RABGAP1L: variants seen among roughly 807,000 people sequenced by gnomAD.
The protein encoded by RABGAP1L is RAB GTPase activating protein 1 like, also known as rab GTPase-activating protein 1-like.
In RABGAP1L, 63 loss-of-function variants were observed where a neutral mutation model predicts 137.7. The ratio of observed to expected loss-of-function variants is 0.46; its 90% CI spans 0.37 to 0.56. RABGAP1L has a LOEUF of 0.56. Ranked by LOEUF, RABGAP1L falls within the 20% of genes least tolerant of loss-of-function variation. The pLI is 0.00. For synonymous variants in RABGAP1L, 431 were observed against 433.7 expected (o/e 0.99, Z 0.08); for missense variants, 1,095 against 1,244.0 (o/e 0.88, Z 1.80).
At chr1:174,720,931 A>C (rs572504464) in intron 17 of RABGAP1L, among the ~76,000 whole-genome samples, 1 of 152,354 alleles carries the variant, frequency 6.6e-6, no homozygotes, top group South Asian at 2.1e-4. Context: ...TTACATCTCA[A>C]TGTAACAAAA....
Position 174,761,698 on chromosome 1 carries a change from C to T in RABGAP1L, c.2211+9344C>T, listed in dbSNP as rs994659431. On this transcript the variant is annotated intron_variant, in intron 18 of 25. Transcript: ENST00000681986. This position sits in a 1 kb window ranked among gnomAD's most constrained non-coding sequence, Gnocchi z 4.0. ...TCACTTCCCAGACGGTGGAAACTCCCGTTTTTAAAACATCAGATCTCATGA... is the reference window on the plus strand; with the variant it reads ...TCACTTCCCAGACGGTGGAAACTCCTGTTTTTAAAACATCAGATCTCATGA... 6.6e-6 allele frequency among the ~76,000 whole-genome samples: 1 copy of T among 152,104 alleles called. No individual in the cohort carries two copies. Among genetic ancestry groups the T allele is most frequent in the African/African-American group, 2.4e-5 (1 of 41,430 alleles).
chr1:174,652,159 C>T (rs771511933), intron 14 of RABGAP1L, among the ~76,000 whole-genome samples: 17 of 152,104 alleles, frequency 1.1e-4, no homozygotes, highest in South Asian at 4.1e-4. Context: ...TGTTGAATAT[C>T]GGCCCCCACT....
chr1:174,908,328 C>T (rs75758932), intron 19 of RABGAP1L, among the ~76,000 whole-genome samples: 1 of 152,056 alleles, frequency 6.6e-6, no homozygotes, highest in Admixed American at 6.6e-5. Flanking sequence ...TACATTTCAC[C>T]CAACTGCTGC....
At chr1:174,551,765 A>AG (rs1666563069) in intron 13 of RABGAP1L, among the ~76,000 whole-genome samples, 1 of 152,036 alleles carries the variant, frequency 6.6e-6, no homozygotes, top group African/African-American at 2.4e-5. Flanking sequence ...TGGAAAAAAA[A>AG]ATTAATAAAA....
intron 13 of RABGAP1L, among the ~76,000 whole-genome samples, chr1:174,539,639 T>G (rs958316619): frequency 6.6e-6 from 1 of 152,264 alleles, no homozygotes; most frequent in African/African-American, 2.4e-5. Flanking sequence ...TTTTTATGGC[T>G]GCATACTATT....
intron 10 of RABGAP1L, among the ~76,000 whole-genome samples, chr1:174,304,623 C>G (rs1264785077): frequency 6.6e-6 from 1 of 152,044 alleles, no homozygotes; most frequent in Non-Finnish European, 1.5e-5. Context: ...TGTAAAAATT[C>G]TTTGAGCTAT....
At chr1:174,296,662 C>T (rs577785688) in intron 10 of RABGAP1L, among the ~76,000 whole-genome samples, 1 of 152,116 alleles carries the variant, frequency 6.6e-6, no homozygotes, top group South Asian at 2.1e-4. Flanking sequence ...GGAAAGTTCC[C>T]TTGCTTTCAG....
chr1:174,611,270 A>G (rs1262845469), intron 13 of RABGAP1L, among the ~76,000 whole-genome samples: 10 of 150,790 alleles, frequency 6.6e-5, no homozygotes, highest in Admixed American at 5.3e-4. Context: ...AGCTTTCTAC[A>G]CATGGCTAGC....
At chr1:174,394,170 AT>A (rs1326901885) in intron 13 of RABGAP1L, 25 bp downstream of exon 13, 7 of 1,603,534 alleles carry the variant, frequency 4.4e-6, no homozygotes, top group Non-Finnish European at 5.1e-6. Flanking sequence ...TTTTCATATT[AT>A]TTTCATTGGA....
chr1:174,195,741 TTCTTTCTTTCTC>T (rs1558021819), intron 1 of RABGAP1L, among the ~76,000 whole-genome samples: 5 of 143,170 alleles, frequency 3.5e-5, no homozygotes, highest in African/African-American at 1.3e-4. Flanking sequence ...TTTTCTTTCT[TTCTTTCTTTCTC>T]TCTTTCTCTC....
At chr1:174,634,265 CA>C (rs1293053885) in intron 13 of RABGAP1L, among the ~76,000 whole-genome samples, 10 of 124,874 alleles carry the variant, frequency 8.0e-5, no homozygotes, top group Non-Finnish European at 1.6e-4. Context: ...TTTATGCAGC[CA>C]AAAAACACAT....
At chr1:174,815,158 A>G (rs1690263476) in intron 19 of RABGAP1L, among the ~76,000 whole-genome samples, 1 of 152,210 alleles carries the variant, frequency 6.6e-6, no homozygotes, top group African/African-American at 2.4e-5. Flanking sequence ...CCCCACTCTG[A>G]TCTGCCACAA....
At chr1:174,847,367 G>T (rs536944218) in intron 19 of RABGAP1L, among the ~76,000 whole-genome samples, 1 of 151,302 alleles carries the variant, frequency 6.6e-6, no homozygotes, top group Non-Finnish European at 1.5e-5. Context: ...GGCTGGTACC[G>T]GTTGTTCCTT....
intron 13 of RABGAP1L, among the ~76,000 whole-genome samples, chr1:174,411,365 G>T (rs1208781212): frequency 6.6e-6 from 1 of 152,008 alleles, no homozygotes; most frequent in Non-Finnish European, 1.5e-5. Flanking sequence ...GTTTGCTGTG[G>T]GTTTGTCATG....
intron 17 of RABGAP1L, among the ~76,000 whole-genome samples, chr1:174,716,587 C>T (rs1681031520): frequency 6.6e-6 from 1 of 152,134 alleles, no homozygotes; most frequent in Admixed American, 6.5e-5. Flanking sequence ...ATAATAGGAC[C>T]TTCTGGTCTC....
intron 14 of RABGAP1L, among the ~76,000 whole-genome samples, chr1:174,660,449 T>C (rs554789928): frequency 6.6e-6 from 1 of 152,332 alleles, no homozygotes; most frequent in African/African-American, 2.4e-5. Context: ...GAAATCTTAC[T>C]GACTCCACCT....
chr1:174,787,912 T>A (rs1161157290), intron 18 of RABGAP1L, among the ~76,000 whole-genome samples: 2 of 152,178 alleles, frequency 1.3e-5, no homozygotes, highest in East Asian at 3.8e-4. Context: ...CAGTTGGATA[T>A]GTGAGACAAC....
In RABGAP1L at chr1:174,191,750, G is replaced by C. The variant is rs1459809753; in HGVS notation, c.-33-27375G>C. Among the ~76,000 whole-genome samples the C allele has an allele frequency of 2.0e-5, 3 of 152,148 alleles. No individual in the cohort carries two copies. The South Asian group carries it at 6.2e-4, about 32-fold the overall frequency. ...CTGCCCTGATGGTTTTTATTAGCCA[G>C]TGCGTAGAGAATAATGCTAGAAGAT... On this transcript the variant is annotated intron_variant, in intron 1 of 25. Coordinates refer to ENST00000681986, the MANE Select transcript of RABGAP1L (RefSeq NM_001366446.1).
chr1:174,965,463 C>A (rs1357525021), intron 20 of RABGAP1L, among the ~76,000 whole-genome samples: 2 of 152,186 alleles, frequency 1.3e-5, no homozygotes, highest in Non-Finnish European at 2.9e-5. Context: ...ACCAAACTCT[C>A]TTCTCCATTC....
Sources: gnomAD v4.1 joint callset for allele counts (sites outside exome capture counted in the v4.1 genomes callset) on GRCh38, gnomAD v4.1.1 for gene constraint, Gnocchi (gnomAD v3.1) non-coding constraint, MANE v1.5 for transcripts, NCBI Gene and HGNC (gene_info 2026-07-23, HGNC 2026-07-21) for gene names.